The following LRRC69 variants were observed in gnomAD, a reference collection of about 807,000 sequenced individuals.
LRRC69 encodes the protein leucine rich repeat containing 69, also known as leucine-rich repeat-containing protein 69.
A neutral mutation model predicts 37.8 loss-of-function variants in LRRC69; 42 were observed. That is an observed-to-expected ratio of 1.11 (90% CI 0.87 to 1.44). The LOEUF is 1.44. Among genes scored for constraint, LRRC69 ranks in the 40% most tolerant of loss-of-function variants. LRRC69 has a pLI of 0.00. For synonymous variants in LRRC69, 141 were observed against 143.1 expected, an observed-to-expected ratio of 0.99 and a Z score of 0.11; for missense variants, 357 against 401.9, an observed-to-expected ratio of 0.89 and a Z score of 0.96.
intron 1 of LRRC69, among the ~76,000 whole-genome samples, chr8:91,119,871 T>G (rs1813586576): frequency 6.6e-6 from 1 of 151,940 alleles, no homozygotes; most frequent in Admixed American, 6.6e-5. Flanking sequence ...GAAGAGCCCT[T>G]TCACTTATCT....
At chr8:91,187,548 C>T (rs145287462) in intron 5 of LRRC69, among the ~76,000 whole-genome samples, 337 of 152,270 alleles carry the variant, frequency 2.2e-3, no homozygotes, top group African/African-American at 7.6e-3. Flanking sequence ...CAGGGGCCAC[C>T]ACTAATATGT....
chr8:91,194,436 T>A (rs1234006660), intron 6 of LRRC69, among the ~76,000 whole-genome samples: 2 of 151,986 alleles, frequency 1.3e-5, no homozygotes, highest in Non-Finnish European at 1.5e-5. Flanking sequence ...CAGTTCCTCC[T>A]TGTACCTCTG....
intron 5 of LRRC69, among the ~76,000 whole-genome samples, chr8:91,180,543 G>A (rs1213124912): frequency 6.6e-6 from 1 of 152,142 alleles, no homozygotes; most frequent in Admixed American, 6.6e-5. Context: ...CGCACTCAAG[G>A]GGAGGAGAAT....
In LRRC69 at chr8:91,135,603, A is replaced by G. The variant is rs1813897290; in HGVS notation, c.580-65A>G. 4 of 1,091,514 alleles carry G rather than the reference A, an allele frequency of 3.7e-6. No homozygotes were observed. In the South Asian group the frequency reaches 6.4e-5, roughly 17 times the overall value. The allele number at this position is 1,091,514 out of a possible 1,614,324, so 67.6% of individuals were successfully genotyped here. On this transcript the variant is annotated intron_variant, in intron 4 of 7. Transcript: ENST00000448384. ...TCATGTTGGAGCTTTAAAAAAATTT[A>G]TGATTTTCCTTATGATTTTAAATAT...
At chr8:91,175,279 AG>A (rs1271112663) in intron 5 of LRRC69, among the ~76,000 whole-genome samples, 3 of 143,484 alleles carry the variant, frequency 2.1e-5, no homozygotes, top group Admixed American at 6.7e-5. Context: ...TGGAATCCTC[AG>A]CTGCATGAAC....
At chr8:91,116,100 GA>G (rs1813506202) in intron 1 of LRRC69, among the ~76,000 whole-genome samples, 1 of 151,948 alleles carries the variant, frequency 6.6e-6, no homozygotes, top group Non-Finnish European at 1.5e-5. Flanking sequence ...TTTTAAATTT[GA>G]AAACTAGTAA....
intron 1 of LRRC69, among the ~76,000 whole-genome samples, chr8:91,122,666 A>G (rs1292410436): frequency 1.3e-5 from 2 of 151,996 alleles, no homozygotes; most frequent in Non-Finnish European, 2.9e-5. Flanking sequence ...AATGCCTGAC[A>G]CATTCTTGCG....
At chr8:91,111,459 A>G (rs1455985112) in intron 1 of LRRC69, among the ~76,000 whole-genome samples, 1 of 152,008 alleles carries the variant, frequency 6.6e-6, no homozygotes, top group Non-Finnish European at 1.5e-5. Context: ...GCTTGAACTC[A>G]GAGGGTGGAG....
intron 6 of LRRC69, among the ~76,000 whole-genome samples, chr8:91,192,131 T>C (rs1809508343): frequency 6.6e-6 from 1 of 152,020 alleles, no homozygotes; most frequent in South Asian, 2.1e-4. Context: ...TTACTGAAAA[T>C]GATGATTTCC....
chr8:91,121,133 C>T (rs1465894177), intron 1 of LRRC69, among the ~76,000 whole-genome samples: 2 of 151,918 alleles, frequency 1.3e-5, no homozygotes, highest in African/African-American at 4.8e-5. Flanking sequence ...CCAAACCCAT[C>T]CACGTCTCTC....
intron 1 of LRRC69, among the ~76,000 whole-genome samples, chr8:91,107,705 C>T (rs988561389): frequency 6.6e-6 from 1 of 151,968 alleles, no homozygotes; most frequent in South Asian, 2.1e-4. Flanking sequence ...TTAGATCCTA[C>T]TTCCATTTTT....
rs748108762 is a variant in LRRC69 at position 91,160,613 on chromosome 8, C to T, written c.651+24874C>T. Among the ~76,000 whole-genome samples, 44 of 151,158 alleles carry T rather than the reference C, an allele frequency of 2.9e-4. 2 individuals are homozygous for T. The highest frequency in any genetic ancestry group is 4.6e-4 in the Non-Finnish European group (31 of 67,594). Reference sequence around the variant, plus strand: ...GCACAGCACTTCCCCCTTCTCTCTCCTGCTGACCATGTGAAGATGTGCCTT... The same window carrying T: ...GCACAGCACTTCCCCCTTCTCTCTCTTGCTGACCATGTGAAGATGTGCCTT... On this transcript the variant is annotated intron_variant, in intron 5 of 7. Transcript: ENST00000448384.
At chr8:91,186,516 G>A (rs1334406239) in intron 5 of LRRC69, among the ~76,000 whole-genome samples, 3 of 152,070 alleles carry the variant, frequency 2.0e-5, no homozygotes, top group Non-Finnish European at 4.4e-5. Flanking sequence ...AAGCTTAAAA[G>A]GGTAAAGATG....
At chr8:91,115,139 T>G (rs1390923445) in intron 1 of LRRC69, among the ~76,000 whole-genome samples, 3 of 152,040 alleles carry the variant, frequency 2.0e-5, no homozygotes, top group African/African-American at 7.2e-5. Context: ...GATGTGACTA[T>G]AGTTAATATT....
intron 1 of LRRC69, among the ~76,000 whole-genome samples, chr8:91,104,701 A>G (rs1813277853): frequency 6.6e-6 from 1 of 151,936 alleles, no homozygotes; most frequent in Non-Finnish European, 1.5e-5. Flanking sequence ...TTGCTCTCTT[A>G]AATTGGACCC....
chr8:91,123,263 T>A (rs1241281935), intron 1 of LRRC69, among the ~76,000 whole-genome samples: 1 of 152,084 alleles, frequency 6.6e-6, no homozygotes, highest in Non-Finnish European at 1.5e-5. Context: ...TAATTTTTTA[T>A]AGCAGTTATA....
chr8:91,102,708 C>T lies in LRRC69; in HGVS notation c.47C>T (p.Thr16Met), dbSNP rs200429038. 5.6e-4 allele frequency: 863 copies of T among 1,551,380 alleles called. 2 individuals are homozygous for T. The highest frequency in any genetic ancestry group is 7.1e-4 in the South Asian group (60 of 84,008). ...AAAGCATTGAGTGGTGGTAAAAATA[C>T]GAAGATCATTACTTTGAATGGGAAG... The change falls in exon 1 of 8, where the codon ACG becomes ATG. Residue 16 changes from threonine (T) to methionine (M), a missense_variant. Physicochemically the swap from Thr to Met is moderately conservative, Grantham distance 81. Coordinates refer to ENST00000448384, the Ensembl canonical transcript of LRRC69.
chr8:91,171,343 G>A (rs1809127973), intron 5 of LRRC69, among the ~76,000 whole-genome samples: 1 of 151,800 alleles, frequency 6.6e-6, no homozygotes. Flanking sequence ...GAGCTTCGGA[G>A]GATCATAAAC....
At chr8:91,116,599 C>A (rs1450857094) in intron 1 of LRRC69, among the ~76,000 whole-genome samples, 1 of 151,676 alleles carries the variant, frequency 6.6e-6, no homozygotes, top group African/African-American at 2.4e-5. Flanking sequence ...ATAGTAAATT[C>A]CTTTTAAAGA....
Sources: gnomAD v4.1 joint callset for allele counts (sites outside exome capture counted in the v4.1 genomes callset) on GRCh38, gnomAD v4.1.1 for gene constraint, MANE v1.5 for transcripts, NCBI Gene and HGNC (gene_info 2026-07-23, HGNC 2026-07-21) for gene names.